The following KLK4 variants were observed in gnomAD, a reference collection of about 807,000 sequenced individuals.
The protein encoded by KLK4 is kallikrein related peptidase 4.
A neutral mutation model predicts 24.3 loss-of-function variants in KLK4; 24 were observed. The ratio of observed to expected loss-of-function variants is 0.99; its 90% confidence interval spans 0.72 to 1.39. KLK4 has a LOEUF of 1.39. Ranked by LOEUF, KLK4 falls within the 40% of genes most tolerant of loss-of-function variation. The pLI is 0.00. For missense variants in KLK4, 344 were observed against 327.4 expected (o/e 1.05, Z -0.39); for synonymous variants, 142 against 138.8 (o/e 1.02, Z -0.16).
At position 50,908,482 on chromosome 19, in the gene KLK4, G is replaced by A. The variant is rs748990839; in HGVS notation, c.489C>T (p.Thr163=). 3.9e-5 allele frequency: 63 copies of A among 1,614,040 alleles called. 1 individual carries two copies. The South Asian group carries it at 6.5e-4, about 17-fold the overall frequency. ...CCGACACGTTCACGCACTGCAGCACGGTAGGCATTCTGCCTGGGACGCAGA... is the reference window on the plus strand; with the variant it reads ...CCGACACGTTCACGCACTGCAGCACAGTAGGCATTCTGCCTGGGACGCAGA... The change falls in exon 5 of 6, where the codon ACC becomes ACT. Residue 163 remains threonine, a synonymous_variant. Transcript: ENST00000324041.
chr19:50,911,340 C>T (rs542948061), exon 1 of KLK4, among the ~76,000 whole-genome samples: 30 of 152,340 alleles, frequency 2.0e-4, no homozygotes, highest in African/African-American at 3.4e-4. Flanking sequence ...GCCTCTTACC[C>T]GGCCACCTCT....
rs1159186361 is a variant in KLK4, at chr19:50,909,492, G to T, written c.62-78C>A. 5 of 1,502,138 alleles carry T rather than the reference G, an allele frequency of 3.3e-6. No homozygotes were observed. In the Admixed American group the frequency reaches 8.4e-5, roughly 25 times the overall value. The allele number at this position is 1,502,138 out of a possible 1,614,324, so 93.1% of individuals were successfully genotyped here. ...CTGGGGGTGGGCTTACCGAGCAGGGGCGTGGTCAGAGGTTCAGGAGCAGTC... is the reference window on the plus strand; with the variant it reads ...CTGGGGGTGGGCTTACCGAGCAGGGTCGTGGTCAGAGGTTCAGGAGCAGTC... On this transcript the variant is annotated intron_variant, in intron 2 of 5. Transcript: ENST00000324041.
chr19:50,911,220 G>A (rs1485000922), intron 1 of KLK4, among the ~76,000 whole-genome samples, 119 bp downstream of exon 1: 1 of 152,208 alleles, frequency 6.6e-6, no homozygotes, highest in Non-Finnish European at 1.5e-5. Flanking sequence ...TGAGAGATCT[G>A]TCTAGAGAGA....
At chr19:50,909,879 T>C (rs1252406555) in intron 2 of KLK4, among the ~76,000 whole-genome samples, 2 of 149,440 alleles carry the variant, frequency 1.3e-5, no homozygotes, top group African/African-American at 4.9e-5. Context: ...GCTCCTAGGG[T>C]TGGGGTTACA....
chr19:50,907,621 G>C (rs1310364294), intron 5 of KLK4, among the ~76,000 whole-genome samples: 2 of 152,024 alleles, frequency 1.3e-5, no homozygotes, highest in African/African-American at 2.4e-5. Context: ...TGGCCAGGCT[G>C]GTCTTGAACT....
exon 4 of KLK4, chr19:50,908,615 A>T: frequency 6.2e-7 from 1 of 1,614,204 alleles, no homozygotes; most frequent in Non-Finnish European, 8.5e-7. Flanking sequence ...ACGAGGCAAG[A>T]GTTCCCCGCG....
At chr19:50,907,674 G>A (rs1332612035) in intron 5 of KLK4, among the ~76,000 whole-genome samples, 1 of 152,114 alleles carries the variant, frequency 6.6e-6, no homozygotes, top group Non-Finnish European at 1.5e-5. Context: ...CCAAAGTGCT[G>A]GGATTACAGG....
intron 3 of KLK4, chr19:50,909,043 G>A (rs2090462001): frequency 5.4e-6 from 8 of 1,477,340 alleles, no homozygotes; most frequent in Non-Finnish European, 7.2e-6. Context: ...GCACTGGGCT[G>A]AGATTTCAAG....
At chr19:50,911,103 G>T (rs887083678) in intron 1 of KLK4, among the ~76,000 whole-genome samples, 17 of 152,172 alleles carry the variant, frequency 1.1e-4, no homozygotes, top group Non-Finnish European at 2.5e-4. Context: ...GAGACAGAGT[G>T]CTTGAGAGAT....
rs2090476174 is a variant in KLK4 at position 50,910,256 on chromosome 19, A to G, written c.61+422T>C. Among the ~76,000 whole-genome samples, 1 of 151,728 alleles carries G rather than the reference A, an allele frequency of 6.6e-6. No individual in the cohort carries two copies. Among genetic ancestry groups the G allele is most frequent in the South Asian group, 2.1e-4 (1 of 4,812 alleles). On this transcript the variant is annotated intron_variant, in intron 2 of 5. Transcript: ENST00000324041. The surrounding 1 kb of genome is among the most constrained non-coding windows in gnomAD (Gnocchi z 4.4). ...GCCACAAGCCCATGCACACCAAAACACCGTTTTATAGTCCTGTGAGGTGAG... is the reference window on the plus strand; with the variant it reads ...GCCACAAGCCCATGCACACCAAAACGCCGTTTTATAGTCCTGTGAGGTGAG...
At position 50,907,215 on chromosome 19, in the gene KLK4, A is replaced by G. The variant is rs2235091; in HGVS notation, c.613-129T>C. 337,823 of 933,878 alleles carry G rather than the reference A, an allele frequency of 0.36. 63,255 individuals carry two copies. The highest frequency in any genetic ancestry group is 0.45 in the Middle Eastern group (1,434 of 3,190). The allele number at this position is 933,878 out of a possible 1,614,324, so 57.8% of individuals were successfully genotyped here. On this transcript the variant is annotated intron_variant, in intron 5 of 5. Coordinates refer to ENST00000324041, the Ensembl canonical transcript of KLK4. ...ATCATCAATAACAACATAGCCCAGC[A>G]ACATATCTGTTGGAAGTCCCATTCC...
Position 50,910,663 on chromosome 19 carries a change from C to T in KLK4, c.61+15G>A, listed in dbSNP as rs200110202. The T allele has an allele frequency of 5.8e-5, 90 of 1,552,666 alleles. No homozygotes were observed. Among genetic ancestry groups the T allele is most frequent in the Admixed American group, 1.2e-4 (6 of 51,136 alleles). ...CCCCAAGCACGGACAGACACACACA[C>T]GCATACTCAGATACCTGCGACACCA... On this transcript the variant is annotated intron_variant, in intron 2 of 5. Transcript: ENST00000324041. The surrounding 1 kb of genome is among the most constrained non-coding windows in gnomAD (Gnocchi z 4.4).
intron 1 of KLK4, among the ~76,000 whole-genome samples, chr19:50,911,066 GA>G (rs2090484493): frequency 6.6e-6 from 1 of 152,178 alleles, no homozygotes; most frequent in Admixed American, 6.5e-5. Context: ...AGCATGGAGG[GA>G]AGACACACAG....
chr19:50,909,563 C>T, intron 2 of KLK4, 149 bp from the exon 3 acceptor site: 2 of 805,290 alleles, frequency 2.5e-6, no homozygotes, highest in Non-Finnish European at 4.0e-6. Context: ...GCTCAGGAGG[C>T]GGGCCCAGGG....
At chr19:50,909,024 A>G in intron 3 of KLK4, 195 bp from the exon 4 acceptor site, 1 of 1,485,942 alleles carries the variant, frequency 6.7e-7, no homozygotes, top group Non-Finnish European at 8.9e-7. Flanking sequence ...TTAGTTCACT[A>G]GAGACTCAGC....
intron 2 of KLK4, 47 bp from the exon 3 acceptor site, chr19:50,909,461 G>C: frequency 6.3e-7 from 1 of 1,598,620 alleles, no homozygotes; most frequent in Non-Finnish European, 8.6e-7. Flanking sequence ...GGCGGGCCCA[G>C]GGTTCCTGGG....
At chr19:50,909,975 T>A (rs900371818) in intron 2 of KLK4, among the ~76,000 whole-genome samples, 21 of 151,880 alleles carry the variant, frequency 1.4e-4, no homozygotes, top group African/African-American at 5.1e-4. Context: ...TGGGGCGGAG[T>A]CAGGGCTCTG....
At chr19:50,909,154 T>G (rs1367209955) in intron 3 of KLK4, 98 bp downstream of exon 3, 26 of 1,603,164 alleles carry the variant, frequency 1.6e-5, no homozygotes, top group Non-Finnish European at 2.2e-5. Flanking sequence ...TCCCAGAGCC[T>G]TCACCGCTGT....
At chr19:50,908,902 T>TCCCATC in intron 3 of KLK4, 73 bp from the exon 4 acceptor site, 1 of 1,589,662 alleles carries the variant, frequency 6.3e-7, no homozygotes, top group Non-Finnish European at 8.5e-7. Flanking sequence ...TCAACCCCAT[T>TCCCATC]CCCATCCCCA....
Sources: allele counts gnomAD v4.1 joint callset (sites outside exome capture counted in the v4.1 genomes callset), GRCh38; gene constraint gnomAD v4.1.1; non-coding constraint Gnocchi (gnomAD v3.1); transcripts MANE v1.5; gene names NCBI Gene and HGNC (gene_info 2026-07-23, HGNC 2026-07-21).